The following ADAMTSL1 variants were observed in gnomAD, a reference collection of about 807,000 sequenced individuals.
ADAMTSL1 encodes the protein ADAMTS like 1.
A neutral mutation model predicts 201.8 loss-of-function variants in ADAMTSL1; 126 were observed. The ratio of observed to expected loss-of-function variants is 0.62; its 90% CI spans 0.54 to 0.72. The LOEUF (loss-of-function observed/expected upper bound fraction) is 0.72, where lower values mean the gene tolerates loss of function less well. Ranked by LOEUF, ADAMTSL1 falls within the 30% of genes least tolerant of loss-of-function variation. The pLI, the probability that ADAMTSL1 is intolerant of heterozygous loss-of-function variation, is 0.00. For synonymous variants in ADAMTSL1, 1,121 were observed against 903.4 expected, an observed-to-expected ratio of 1.24 and a Z score of -4.32; for missense variants, 2,679 against 2,277.8, an observed-to-expected ratio of 1.18 and a Z score of -3.59.
chr9:17,964,299 G>C (rs973047520), intron 1 of ADAMTSL1, among the ~76,000 whole-genome samples: 4 of 152,092 alleles, frequency 2.6e-5, no homozygotes, highest in Non-Finnish European at 4.4e-5. Context: ...TTTGGTTGCT[G>C]ATGACTTTAA....
intron 15 of ADAMTSL1, among the ~76,000 whole-genome samples, chr9:18,741,856 G>A (rs1275686536): frequency 1.3e-5 from 2 of 151,998 alleles, no homozygotes; most frequent in Non-Finnish European, 2.9e-5. Context: ...TGTTCTTCAG[G>A]TTGCTACTTC....
intron 1 of ADAMTSL1, among the ~76,000 whole-genome samples, chr9:17,918,597 T>C (rs1306849866): frequency 6.6e-6 from 1 of 151,892 alleles, no homozygotes; most frequent in Non-Finnish European, 1.5e-5. Flanking sequence ...TTGAAAAGAA[T>C]TAAACTTTCT....
chr9:18,244,640 A>T (rs1316489898), intron 2 of ADAMTSL1, among the ~76,000 whole-genome samples: 1 of 151,960 alleles, frequency 6.6e-6, no homozygotes, highest in African/African-American at 2.4e-5. Context: ...ACTTTCTCCA[A>T]TTTCTCCTAC....
intron 1 of ADAMTSL1, 83 bp from the exon 2 acceptor site, chr9:18,504,746 C>T: frequency 6.3e-7 from 1 of 1,587,198 alleles, no homozygotes; most frequent in Admixed American, 1.7e-5. Context: ...TGTACACACA[C>T]GTACAGGCCA....
intron 1 of ADAMTSL1, among the ~76,000 whole-genome samples, chr9:18,042,874 A>G (rs1008680082): frequency 2.0e-5 from 3 of 152,128 alleles, no homozygotes; most frequent in African/African-American, 7.2e-5. Context: ...CCAAGTTTGT[A>G]ATTGTCAAGA....
At chr9:18,392,142 A>G (rs1452736238) in intron 2 of ADAMTSL1, among the ~76,000 whole-genome samples, 4 of 152,056 alleles carry the variant, frequency 2.6e-5, no homozygotes, top group East Asian at 1.9e-4. Flanking sequence ...ATTACTTTCT[A>G]GATTACCTGG....
chr9:18,859,941 A>G (rs1827105473), intron 23 of ADAMTSL1, among the ~76,000 whole-genome samples: 1 of 152,168 alleles, frequency 6.6e-6, no homozygotes, highest in Non-Finnish European at 1.5e-5. Flanking sequence ...CCCATCACCC[A>G]TTTAAAGAAT....
intron 1 of ADAMTSL1, among the ~76,000 whole-genome samples, chr9:17,923,804 C>T (rs201137385): frequency 7.2e-6 from 1 of 138,720 alleles, no homozygotes; most frequent in Non-Finnish European, 1.5e-5. Flanking sequence ...GTCCCATCAA[C>T]ACCTAATTTA....
intron 1 of ADAMTSL1, among the ~76,000 whole-genome samples, chr9:17,914,891 G>A (rs1465163098): frequency 6.6e-6 from 1 of 152,124 alleles, no homozygotes; most frequent in Non-Finnish European, 1.5e-5. Context: ...GACAAACAGA[G>A]AGCCAAACCA....
chr9:18,023,870 A>T (rs1185139837), intron 1 of ADAMTSL1, among the ~76,000 whole-genome samples: 3 of 152,144 alleles, frequency 2.0e-5, no homozygotes, highest in African/African-American at 7.2e-5. Context: ...AAATAGTTTG[A>T]TAACAATTGC....
chr9:18,123,480 AAGT>A (rs1825593550), intron 1 of ADAMTSL1, among the ~76,000 whole-genome samples: 1 of 152,168 alleles, frequency 6.6e-6, no homozygotes. Context: ...TAAAAATTGG[AAGT>A]AGTCTAGTTT....
chr9:18,752,525 A>T (rs2133606810), intron 15 of ADAMTSL1, among the ~76,000 whole-genome samples: 1 of 152,244 alleles, frequency 6.6e-6, no homozygotes, highest in African/African-American at 2.4e-5. Context: ...TATCATTCCC[A>T]GTTTGTAGGC....
chr9:18,501,434 C>T (rs1235892353), intron 1 of ADAMTSL1, among the ~76,000 whole-genome samples: 2 of 150,658 alleles, frequency 1.3e-5, no homozygotes, highest in Admixed American at 1.3e-4. Flanking sequence ...TCCCTTGAGC[C>T]CAGGAGGTCA....
chr9:18,311,580 A>G (rs1295936758), intron 2 of ADAMTSL1, among the ~76,000 whole-genome samples: 3 of 152,158 alleles, frequency 2.0e-5, no homozygotes, highest in Non-Finnish European at 2.9e-5. Context: ...ACTGCTGAAC[A>G]TCATGAACAG....
At chr9:17,988,075 G>T (rs955587922) in intron 1 of ADAMTSL1, among the ~76,000 whole-genome samples, 1 of 152,066 alleles carries the variant, frequency 6.6e-6, no homozygotes, top group African/African-American at 2.4e-5. Flanking sequence ...GTTGATTGCT[G>T]GTTCCACTAT....
At chr9:18,226,970 G>A (rs1245965865) in intron 2 of ADAMTSL1, among the ~76,000 whole-genome samples, 1 of 152,106 alleles carries the variant, frequency 6.6e-6, no homozygotes, top group African/African-American at 2.4e-5. Flanking sequence ...GCCCATGAAA[G>A]TTTGAATGCA....
chr9:17,940,127 G>A (rs1588448457), intron 1 of ADAMTSL1, among the ~76,000 whole-genome samples: 2 of 152,092 alleles, frequency 1.3e-5, no homozygotes, highest in South Asian at 2.1e-4. Context: ...GACCAGATTC[G>A]TGACCACTCT....
At chr9:18,867,039 A>G (rs1042771562) in intron 23 of ADAMTSL1, among the ~76,000 whole-genome samples, 6 of 152,218 alleles carry the variant, frequency 3.9e-5, no homozygotes, top group East Asian at 1.9e-4. Context: ...ATGTAACCAC[A>G]TGCTCCACAC....
chr9:18,482,179 A>C (rs758496195), intron 1 of ADAMTSL1, among the ~76,000 whole-genome samples: 9 of 152,254 alleles, frequency 5.9e-5, no homozygotes, highest in Non-Finnish European at 1.0e-4. Context: ...GGAATAGCAG[A>C]AAAATCACGT....
Sources: gnomAD v4.1 joint callset for allele counts (sites outside exome capture counted in the v4.1 genomes callset) on GRCh38, gnomAD v4.1.1 for gene constraint, MANE v1.5 for transcripts, NCBI Gene and HGNC (gene_info 2026-07-23, HGNC 2026-07-21) for gene names.